RNF213: variants seen among roughly 807,000 people sequenced by gnomAD.
The protein encoded by RNF213 is E3 ubiquitin-protein ligase RNF213.
Under a neutral mutation model 514.4 loss-of-function variants are expected in RNF213, and 341 were observed. The ratio of observed to expected loss-of-function variants is 0.66; its 90% CI spans 0.61 to 0.73. RNF213 has a LOEUF of 0.73. Among genes scored for constraint, RNF213 ranks in the 30% least tolerant of loss-of-function variants. The pLI, the probability that RNF213 is intolerant of heterozygous loss-of-function variation, is 0.00. For missense variants in RNF213, 5,767 were observed against 6,615.6 expected, an observed-to-expected ratio of 0.87 and a Z score of 4.45; for synonymous variants, 2,655 against 2,658.2, an observed-to-expected ratio of 1.00 and a Z score of 0.04.
In RNF213 at chr17:80,388,935, C is replaced by T. The variant is rs550990266; in HGVS notation, c.15001-238C>T. 19 of 621,254 alleles carry T rather than the reference C, an allele frequency of 3.1e-5. No individual in the cohort carries two copies. In the South Asian group the frequency reaches 3.6e-4, roughly 12 times the overall value. The allele number at this position is 621,254 out of a possible 1,614,324, so 38.5% of individuals were successfully genotyped here. Reference sequence around the variant, plus strand: ...TGATGCATGGCCATGCCTGCTGAAGCGGGAAGTCCATGGAACCGATTTGTT... The same window carrying T: ...TGATGCATGGCCATGCCTGCTGAAGTGGGAAGTCCATGGAACCGATTTGTT... On this transcript the variant is annotated intron_variant, in intron 64 of 67. Transcript: ENST00000582970.
intron 1 of RNF213, among the ~76,000 whole-genome samples, chr17:80,262,011 C>CA (rs1208526353): frequency 6.6e-6 from 1 of 151,972 alleles, no homozygotes; most frequent in Non-Finnish European, 1.5e-5. Context: ...GTCAAACAAA[C>CA]AAAAAATGCT....
At chr17:80,306,205 C>A in intron 11 of RNF213, 47 bp from the exon 12 acceptor site, 1 of 1,566,900 alleles carries the variant, frequency 6.4e-7, no homozygotes, top group Non-Finnish European at 8.8e-7. Flanking sequence ...TTTTCCCTCA[C>A]TGATCTCACT....
intron 47 of RNF213, 43 bp downstream of exon 47, chr17:80,372,028 C>G (rs2079537485): frequency 9.9e-7 from 1 of 1,011,196 alleles, no homozygotes; most frequent in Non-Finnish European, 1.6e-6. Context: ...TGGAAACTAT[C>G]TGAACCACAT....
In RNF213 at chr17:80,288,820, AT is replaced by A; in HGVS notation, c.933+68del. The A allele has an allele frequency of 6.2e-7, 1 of 1,611,792 alleles. No homozygotes were observed. The highest frequency in any genetic ancestry group is 8.5e-7 in the Non-Finnish European group (1 of 1,179,402). ...TCCTGCCCACGGCTGCGCCTCTTTC[AT>A]TTAATTATTCAGCAAATATTTAAGT... On this transcript the variant is annotated intron_variant, in intron 5 of 67. Coordinates refer to ENST00000582970, the MANE Select transcript of RNF213 (RefSeq NM_001256071.3). The surrounding 1 kb of genome is among the most constrained non-coding windows in gnomAD (Gnocchi z 4.9).
At chr17:80,308,947 C>A in intron 13 of RNF213, 71 bp from the exon 14 acceptor site, 1 of 1,577,204 alleles carries the variant, frequency 6.3e-7, no homozygotes, top group South Asian at 1.1e-5. Context: ...AGGAGCTAGT[C>A]ATCAATGGTA....
At chr17:80,302,892 A>G (rs2045229404) in intron 11 of RNF213, among the ~76,000 whole-genome samples, 1 of 152,206 alleles carries the variant, frequency 6.6e-6, no homozygotes, top group Admixed American at 6.5e-5. Context: ...CTCTTTAAGT[A>G]TAATCTCTCT....
At chr17:80,360,272 A>C in intron 38 of RNF213, 66 bp downstream of exon 38, 2 of 1,539,214 alleles carry the variant, frequency 1.3e-6, no homozygotes, top group South Asian at 2.3e-5. Flanking sequence ...CCTGACAGTG[A>C]AAAGCAGATG....
chr17:80,333,198 G>A (rs1394044593), intron 21 of RNF213, among the ~76,000 whole-genome samples: 4 of 148,848 alleles, frequency 2.7e-5, no homozygotes, highest in Non-Finnish European at 5.9e-5. Flanking sequence ...ACAGGTGCCC[G>A]CAACCACGCC....
intron 14 of RNF213, 89 bp downstream of exon 14, chr17:80,309,260 C>T (rs1475428680): frequency 6.6e-7 from 1 of 1,510,666 alleles, no homozygotes; most frequent in East Asian, 2.3e-5. Context: ...AGACTGATTC[C>T]CGGGTGCTGG....
rs2143315816 is a variant in RNF213 at position 80,291,568 on chromosome 17, ATAAC to A, written c.1272-56_1272-53del. ...TTTGCACTCCATGCTACGTTTGAGA[ATAAC>A]TAAAATTTCCGGGGTAGGAATTTTG... On this transcript the variant is annotated intron_variant, in intron 7 of 67. Coordinates refer to ENST00000582970, the MANE Select transcript of RNF213 (RefSeq NM_001256071.3). 30 of 1,533,510 alleles carry A rather than the reference ATAAC, an allele frequency of 2.0e-5. No homozygotes were observed. The South Asian group carries it at 3.4e-4, about 17-fold the overall frequency. The allele number at this position is 1,533,510 out of a possible 1,614,324, so 95.0% of individuals were successfully genotyped here.
At chr17:80,278,942 T>C (rs2044163576) in intron 3 of RNF213, 3 of 1,535,816 alleles carry the variant, frequency 2.0e-6, no homozygotes, top group Non-Finnish European at 2.6e-6. Context: ...GGCAGAATGC[T>C]CCCTGCCCTG....
At chr17:80,389,485 G>A in intron 65 of RNF213, 118 bp downstream of exon 65, 1 of 893,036 alleles carries the variant, frequency 1.1e-6, no homozygotes, top group Non-Finnish European at 1.8e-6. Context: ...AGGATGGGGA[G>A]ACAAGAACAA....
chr17:80,365,528 A>G (rs1413512268), intron 42 of RNF213, among the ~76,000 whole-genome samples: 2 of 125,384 alleles, frequency 1.6e-5, no homozygotes, highest in African/African-American at 7.9e-5. Flanking sequence ...GGTAGAGGAC[A>G]GGCCGTTTTC....
At chr17:80,363,370 C>CCCAGAG in intron 40 of RNF213, 56 bp downstream of exon 40, 1 of 1,538,712 alleles carries the variant, frequency 6.5e-7, no homozygotes, top group Non-Finnish European at 9.0e-7. Context: ...CAACTCCACT[C>CCCAGAG]TGGGAATGGA....
chr17:80,299,622 G>A (rs1385089720), intron 11 of RNF213, among the ~76,000 whole-genome samples: 1 of 151,882 alleles, frequency 6.6e-6, no homozygotes, highest in African/African-American at 2.4e-5. Flanking sequence ...AGATAAACTT[G>A]TGTTATGGAG....
chr17:80,381,424 T>G, intron 56 of RNF213, 123 bp from the exon 57 acceptor site: 2 of 1,046,330 alleles, frequency 1.9e-6, no homozygotes, highest in Non-Finnish European at 3.0e-6. Context: ...CTCCGCCGTT[T>G]TCATCTTAGA....
At chr17:80,287,231 C>G (rs548065555) in intron 3 of RNF213, among the ~76,000 whole-genome samples, 1 of 151,960 alleles carries the variant, frequency 6.6e-6, no homozygotes, top group African/African-American at 2.4e-5. Context: ...AATGGTGGTT[C>G]GCGCCTGTAA....
chr17:80,347,522 G>C lies in RNF213; in HGVS notation c.9187G>C (p.Asp3063His), dbSNP rs1330560038. ...QILQQTFFEG[D>H]QQPEIIFGSG... ...CCTGCAGCAGACATTCTTCGAGGGGGACCAGCAGCCGGAGATTATTTTTGG... is the reference window on the plus strand; with the variant it reads ...CCTGCAGCAGACATTCTTCGAGGGGCACCAGCAGCCGGAGATTATTTTTGG... Residue 3063 changes from aspartate to histidine, a missense_variant, in exon 29 of 68, where the codon GAC becomes CAC. Transcript: ENST00000582970. This position sits in a 1 kb window ranked among gnomAD's most constrained non-coding sequence, Gnocchi z 7.2. The C allele has an allele frequency of 3.1e-6, 5 of 1,613,988 alleles. No homozygotes were observed. Among genetic ancestry groups the C allele is most frequent in the Non-Finnish European group, 4.2e-6 (5 of 1,180,036 alleles).
chr17:80,361,972 C>T (rs559506478), intron 39 of RNF213, 84 bp downstream of exon 39: 596 of 1,464,640 alleles, frequency 4.1e-4, no homozygotes, highest in Non-Finnish European at 5.2e-4. Flanking sequence ...GTTTCCTCAG[C>T]TGCCTGGAGC....
Sources: allele counts gnomAD v4.1 joint callset (sites outside exome capture counted in the v4.1 genomes callset), GRCh38; gene constraint gnomAD v4.1.1; non-coding constraint Gnocchi (gnomAD v3.1); transcripts MANE v1.5; gene names NCBI Gene and HGNC (gene_info 2026-07-23, HGNC 2026-07-21).